ZEB1: variants seen among roughly 807,000 people sequenced by gnomAD.
The protein encoded by ZEB1 is zinc finger E-box-binding homeobox 1.
A neutral mutation model predicts 84.9 loss-of-function variants in ZEB1; 21 were observed. The observed-to-expected ratio is 0.25, with a 90% CI of 0.18 to 0.36. The LOEUF (loss-of-function observed/expected upper bound fraction) is 0.36. Ranked by LOEUF, ZEB1 falls within the 10% of genes least tolerant of loss-of-function variation. The probability of loss-of-function intolerance (pLI) is 1.00; values close to 1 mark genes in which losing one functional copy is unlikely to be tolerated. For missense variants in ZEB1, 1,104 were observed against 1,330.2 expected, an observed-to-expected ratio of 0.83 and a Z score of 2.65; for synonymous variants, 420 against 471.1, an observed-to-expected ratio of 0.89 and a Z score of 1.41.
At chr10:31,407,417 A>G (rs2053321505) in intron 1 of ZEB1, among the ~76,000 whole-genome samples, 1 of 151,996 alleles carries the variant, frequency 6.6e-6, no homozygotes, top group South Asian at 2.1e-4. Context: ...CCTACAAAGG[A>G]CATGACCTCA....
intron 6 of ZEB1, among the ~76,000 whole-genome samples, chr10:31,515,514 T>C (rs549221187): frequency 3.3e-5 from 5 of 152,120 alleles, no homozygotes; most frequent in African/African-American, 9.7e-5. Flanking sequence ...TTTTCACACA[T>C]TGCTTATTTT....
At chr10:31,357,743 TTAAA>T (rs1196619554) in intron 1 of ZEB1, among the ~76,000 whole-genome samples, 1 of 152,194 alleles carries the variant, frequency 6.6e-6, no homozygotes, top group African/African-American at 2.4e-5. Context: ...CTAATTTGGC[TTAAA>T]TAAAAAGAAT....
At chr10:31,476,706 A>G (rs1320190556) in intron 2 of ZEB1, among the ~76,000 whole-genome samples, 1 of 152,146 alleles carries the variant, frequency 6.6e-6, no homozygotes, top group East Asian at 1.9e-4. Flanking sequence ...AACAAAATGT[A>G]TCACAATCAA....
chr10:31,452,169 C>CTCT lies in ZEB1; in HGVS notation c.59-8868_59-8867insTCT, dbSNP rs773533553. ...AAATTTCACCCAAAATTTACTGAAT[C>CTCT]ATTAGAATTACTAAAATCTAACATG... is the stretch of plus-strand genomic sequence containing the variant. On this transcript the variant is annotated intron_variant, in intron 1 of 8. Coordinates refer to ENST00000424869, the MANE Select transcript of ZEB1 (RefSeq NM_001174096.2). 6.6e-5 allele frequency among the ~76,000 whole-genome samples: 10 copies of CTCT among 152,142 alleles called. No individual in the cohort carries two copies. In the East Asian group the frequency reaches 1.9e-3, roughly 29 times the overall value.
chr10:31,320,100 C>T (rs1266568809), intron 1 of ZEB1: 5 of 151,624 alleles, frequency 3.3e-5, no homozygotes, highest in Admixed American at 2.6e-4. Flanking sequence ...TGGCGCCTCC[C>T]GCTGCCCGGC....
intron 1 of ZEB1, among the ~76,000 whole-genome samples, chr10:31,361,601 C>T (rs773850277): frequency 2.0e-5 from 3 of 151,252 alleles, no homozygotes; most frequent in Non-Finnish European, 4.4e-5. Context: ...CCAGACGGTG[C>T]AGGGGCTGGG....
intron 1 of ZEB1, chr10:31,319,619 C>T: frequency 5.8e-6 from 2 of 344,406 alleles, no homozygotes; most frequent in Non-Finnish European, 1.0e-5. Flanking sequence ...GCGGCCGGGA[C>T]GCACTGGCCA....
intron 1 of ZEB1, among the ~76,000 whole-genome samples, chr10:31,324,238 T>C (rs1336950830): frequency 6.6e-6 from 1 of 152,066 alleles, no homozygotes; most frequent in African/African-American, 2.4e-5. Flanking sequence ...AATACTGTTT[T>C]CTTCCTTTCT....
chr10:31,418,127 A>G (rs1012925891), intron 1 of ZEB1, among the ~76,000 whole-genome samples: 7 of 151,994 alleles, frequency 4.6e-5, no homozygotes, highest in African/African-American at 1.4e-4. Flanking sequence ...TGTGTTTGCT[A>G]TGGGAATACA....
At chr10:31,377,741 G>T (rs2046912168) in intron 1 of ZEB1, among the ~76,000 whole-genome samples, 1 of 151,628 alleles carries the variant, frequency 6.6e-6, no homozygotes, top group South Asian at 2.1e-4. Context: ...TTCCTTTAGT[G>T]TGCCTCATTT....
intron 1 of ZEB1, chr10:31,374,806 T>G (rs1271379975): frequency 6.6e-6 from 1 of 151,768 alleles, no homozygotes; most frequent in African/African-American, 2.4e-5. Flanking sequence ...TTCTTAGATT[T>G]CTTAAGAATT....
intron 1 of ZEB1, among the ~76,000 whole-genome samples, chr10:31,376,021 T>C (rs1188582482): frequency 2.0e-5 from 3 of 151,730 alleles, no homozygotes; most frequent in Non-Finnish European, 3.0e-5. Flanking sequence ...TGTAAAACTT[T>C]ATGTGCAATA....
chr10:31,382,960 AT>A (rs1194784236), intron 1 of ZEB1, among the ~76,000 whole-genome samples: 1 of 152,090 alleles, frequency 6.6e-6, no homozygotes, highest in African/African-American at 2.4e-5. Flanking sequence ...AAAAAGAGAA[AT>A]CTAATATTTG....
chr10:31,496,445 C>T (rs1427187466), intron 3 of ZEB1, among the ~76,000 whole-genome samples: 6 of 151,996 alleles, frequency 3.9e-5, no homozygotes, highest in Admixed American at 3.9e-4. Context: ...AAACTTAAGG[C>T]TATTCCTCTG....
intron 1 of ZEB1, among the ~76,000 whole-genome samples, chr10:31,459,488 A>G (rs183753912): frequency 1.1e-3 from 164 of 152,172 alleles, no homozygotes; most frequent in African/African-American, 3.9e-3. Flanking sequence ...AGGAAGGAAA[A>G]ATAGGGCTGC....
At chr10:31,507,248 G>C (rs531867573) in intron 4 of ZEB1, among the ~76,000 whole-genome samples, 1 of 152,004 alleles carries the variant, frequency 6.6e-6, no homozygotes, top group Admixed American at 6.6e-5. Flanking sequence ...CACTTTTCTC[G>C]TGTTGTTTTT....
intron 1 of ZEB1, among the ~76,000 whole-genome samples, chr10:31,342,328 G>C (rs1441974000): frequency 6.6e-6 from 1 of 152,110 alleles, no homozygotes; most frequent in Non-Finnish European, 1.5e-5. Flanking sequence ...ATTGAGCCCA[G>C]GATTAGGGAG....
At chr10:31,446,512 C>G (rs1451876239) in intron 1 of ZEB1, among the ~76,000 whole-genome samples, 17 of 149,576 alleles carry the variant, frequency 1.1e-4, no homozygotes, top group African/African-American at 4.2e-4. Context: ...GTTAGGGTGT[C>G]AATTTTGGAT....
chr10:31,319,567 G>C, intron 1 of ZEB1: 2 of 421,642 alleles, frequency 4.7e-6, no homozygotes, highest in Non-Finnish European at 8.3e-6. Context: ...TCCCTGGACC[G>C]TTAGCCGGCG....
Sources: gnomAD v4.1 joint callset for allele counts (sites outside exome capture counted in the v4.1 genomes callset) on GRCh38, gnomAD v4.1.1 for gene constraint, MANE v1.5 for transcripts, NCBI Gene and HGNC (gene_info 2026-07-23, HGNC 2026-07-21) for gene names.